Variants in KCNH7 observed in about 807,000 individuals in gnomAD.
The protein encoded by KCNH7 is potassium voltage-gated channel subfamily H member 7.
A neutral mutation model predicts 120.8 loss-of-function variants in KCNH7; 49 were observed. The observed-to-expected ratio is 0.41, with a 90% CI of 0.32 to 0.51. The LOEUF is 0.51. Ranked by LOEUF, KCNH7 falls within the 20% of genes least tolerant of loss-of-function variation. The probability of loss-of-function intolerance (pLI) is 0.38; values close to 1 mark genes in which losing one functional copy is unlikely to be tolerated. For missense variants in KCNH7, 1,097 were observed against 1,446.6 expected (o/e 0.76, Z 3.92); for synonymous variants, 547 against 516.1 (o/e 1.06, Z -0.81).
At chr2:162,534,214 G>A (rs1692030348) in intron 3 of KCNH7, among the ~76,000 whole-genome samples, 1 of 151,202 alleles carries the variant, frequency 6.6e-6, no homozygotes, top group Non-Finnish European at 1.5e-5. Flanking sequence ...CTGAAAGAAT[G>A]AAAATAAATC....
At chr2:162,645,048 G>T (rs1438135991) in intron 2 of KCNH7, among the ~76,000 whole-genome samples, 2 of 152,040 alleles carry the variant, frequency 1.3e-5, no homozygotes, top group Non-Finnish European at 2.9e-5. Flanking sequence ...CAACTTTTCT[G>T]CTCTGTTTTA....
chr2:162,683,921 C>A (rs1039036177), intron 2 of KCNH7, among the ~76,000 whole-genome samples: 1 of 152,000 alleles, frequency 6.6e-6, no homozygotes, highest in African/African-American at 2.4e-5. Context: ...AATCTGGAGG[C>A]ATCACACTAC....
chr2:162,543,581 A>G (rs1041517556), intron 2 of KCNH7, among the ~76,000 whole-genome samples: 2 of 152,152 alleles, frequency 1.3e-5, no homozygotes, highest in African/African-American at 4.8e-5. Context: ...TATTTAAAAC[A>G]ATTTTAAACA....
chr2:162,663,067 C>A (rs999942101), intron 2 of KCNH7, among the ~76,000 whole-genome samples: 8 of 152,090 alleles, frequency 5.3e-5, no homozygotes, highest in African/African-American at 1.4e-4. Flanking sequence ...GAAAGACAAT[C>A]AATGAGAAGT....
chr2:162,715,642 G>T (rs1054260073), intron 2 of KCNH7, among the ~76,000 whole-genome samples: 2 of 152,160 alleles, frequency 1.3e-5, no homozygotes, highest in Admixed American at 6.6e-5. Flanking sequence ...GTCAGCAATT[G>T]TGACAGAAGC....
chr2:162,543,000 T>C (rs1692364436), intron 2 of KCNH7, among the ~76,000 whole-genome samples: 1 of 152,108 alleles, frequency 6.6e-6, no homozygotes, highest in African/African-American at 2.4e-5. Flanking sequence ...TGAATGGCCA[T>C]GTATAGTCTG....
At chr2:162,713,472 C>T (rs1686999208) in intron 2 of KCNH7, among the ~76,000 whole-genome samples, 1 of 152,042 alleles carries the variant, frequency 6.6e-6, no homozygotes, top group Admixed American at 6.6e-5. Flanking sequence ...TATGTTTACA[C>T]TTGATTATGA....
intron 2 of KCNH7, among the ~76,000 whole-genome samples, chr2:162,622,414 A>G (rs963006256): frequency 5.6e-4 from 85 of 152,312 alleles, no homozygotes; most frequent in African/African-American, 2.0e-3. Context: ...TTCTTTTTTT[A>G]TTAGAAGTAA....
chr2:162,550,392 C>G (rs1692629161), intron 2 of KCNH7, among the ~76,000 whole-genome samples: 1 of 152,140 alleles, frequency 6.6e-6, no homozygotes, highest in South Asian at 2.1e-4. Flanking sequence ...GGGTTTCAAG[C>G]AGTGGGGATT....
intron 2 of KCNH7, among the ~76,000 whole-genome samples, chr2:162,701,894 C>A (rs941746194): frequency 3.3e-5 from 5 of 151,836 alleles, no homozygotes; most frequent in African/African-American, 9.7e-5. Context: ...GTAGTCCCAG[C>A]TACTTGGGAG....
chr2:162,532,969 A>T (rs542630861), intron 3 of KCNH7, among the ~76,000 whole-genome samples: 10 of 152,016 alleles, frequency 6.6e-5, no homozygotes, highest in African/African-American at 2.4e-4. Context: ...ATTGTTGACG[A>T]AAACTGCATG....
intron 2 of KCNH7, among the ~76,000 whole-genome samples, chr2:162,729,588 T>C (rs1687650121): frequency 6.6e-6 from 1 of 152,134 alleles, no homozygotes; most frequent in East Asian, 1.9e-4. Context: ...ACAATCTTAC[T>C]TCTTACTTTC....
chr2:162,832,198 G>T (rs185205127), intron 2 of KCNH7, among the ~76,000 whole-genome samples: 1 of 152,242 alleles, frequency 6.6e-6, no homozygotes, highest in East Asian at 1.9e-4. Flanking sequence ...GATACGCTCT[G>T]AAAATCTTTC....
At chr2:162,743,535 GA>G (rs1223644376) in intron 2 of KCNH7, among the ~76,000 whole-genome samples, 3 of 152,072 alleles carry the variant, frequency 2.0e-5, no homozygotes, top group Admixed American at 2.0e-4. Flanking sequence ...ACTTGGTTAA[GA>G]ACTGGAATCA....
At chr2:162,722,813 C>CTTTCTTTTTTTTTTTTTTTTTTT (rs1220971256) in intron 2 of KCNH7, among the ~76,000 whole-genome samples, 2 of 85,110 alleles carry the variant, frequency 2.3e-5, no homozygotes, top group Admixed American at 1.2e-4. Flanking sequence ...TTCTTTTTTT[C>CTTTCTTTTTTTTTTTTTTTTTTT]TTTTTTTTTT....
intron 12 of KCNH7, among the ~76,000 whole-genome samples, chr2:162,388,891 A>T (rs982475855): frequency 6.6e-6 from 1 of 151,958 alleles, no homozygotes; most frequent in Non-Finnish European, 1.5e-5. Context: ...TTTCTAGCAC[A>T]TTGGATTTTT....
intron 2 of KCNH7, among the ~76,000 whole-genome samples, chr2:162,546,524 G>C (rs150797803): frequency 6.6e-6 from 1 of 152,106 alleles, no homozygotes; most frequent in Non-Finnish European, 1.5e-5. Context: ...AAGTGCACAC[G>C]ATTGTGAAGG....
At chr2:162,615,213 T>C (rs1683104588) in intron 2 of KCNH7, among the ~76,000 whole-genome samples, 1 of 152,182 alleles carries the variant, frequency 6.6e-6, no homozygotes, top group Admixed American at 6.5e-5. Context: ...AGGGAGCCTG[T>C]AGCCAATCAC....
chr2:162,786,071 T>C (rs1683689943), intron 2 of KCNH7, among the ~76,000 whole-genome samples: 2 of 151,734 alleles, frequency 1.3e-5, no homozygotes, highest in South Asian at 4.2e-4. Context: ...TGAAACCCCA[T>C]CTCTAATAAA....
Sources: gnomAD v4.1 joint callset for allele counts (sites outside exome capture counted in the v4.1 genomes callset) on GRCh38, gnomAD v4.1.1 for gene constraint, MANE v1.5 for transcripts, NCBI Gene and HGNC (gene_info 2026-07-23, HGNC 2026-07-21) for gene names.